Variants in SGK1 observed in about 807,000 individuals in gnomAD.
SGK1 encodes serum/glucocorticoid regulated kinase 1.
Under a neutral mutation model 64.2 loss-of-function variants are expected in SGK1, and 26 were observed. The observed-to-expected ratio is 0.40, with a 90% CI of 0.30 to 0.56. SGK1 has a LOEUF of 0.56. SGK1 is among the 20% of genes least tolerant of loss of function. The pLI, the probability that SGK1 is intolerant of heterozygous loss-of-function variation, is 0.38. For missense variants in SGK1, 519 were observed against 645.6 expected (o/e 0.80, Z 2.12); for synonymous variants, 265 against 239.7 (o/e 1.11, Z -0.98).
chr6:134,170,420 G>C lies in SGK1; in HGVS notation c.1429C>G (p.Leu477Val). ...GTAAACTCGGGGTCAAAGTGCCGTA[G>C]GTCGTTGGGCCCACTCTGTGACGGG... is the stretch of plus-strand genomic sequence containing the variant. Reference protein sequence around the residue: ...FNPNVSGPNDLRHFDPEFTEE... With the variant: ...FNPNVSGPNDVRHFDPEFTEE... Residue 477 changes from leucine to valine, a missense_variant, in exon 14 of 14, where the codon CTA becomes GTA. Physicochemically the swap from Leu to Val is conservative, Grantham distance 32. Coordinates refer to ENST00000367858, the MANE Select transcript of SGK1 (RefSeq NM_001143676.3). 6.2e-7 allele frequency: 1 copy of C among 1,613,110 alleles called. No homozygotes were observed. Among genetic ancestry groups the C allele is most frequent in the Non-Finnish European group, 8.5e-7 (1 of 1,179,244 alleles).
At chr6:134,273,669 T>C (rs1402742354) in intron 1 of SGK1, among the ~76,000 whole-genome samples, 1 of 144,606 alleles carries the variant, frequency 6.9e-6, no homozygotes, top group Non-Finnish European at 1.5e-5. Context: ...AAGATATTTC[T>C]AGTAGAGGGG....
chr6:134,209,794 A>G (rs909960605), intron 2 of SGK1, among the ~76,000 whole-genome samples: 1 of 152,158 alleles, frequency 6.6e-6, no homozygotes, highest in Non-Finnish European at 1.5e-5. Flanking sequence ...CTCCTGCTTC[A>G]GCCTCAATAG....
At chr6:134,239,028 G>T (rs979281421) in intron 2 of SGK1, among the ~76,000 whole-genome samples, 2 of 152,222 alleles carry the variant, frequency 1.3e-5, no homozygotes, top group Admixed American at 1.3e-4. Context: ...TATATTAGAA[G>T]CATGCTAAAC....
intron 2 of SGK1, among the ~76,000 whole-genome samples, chr6:134,232,464 A>G (rs960727036): frequency 3.3e-5 from 2 of 60,580 alleles, no homozygotes; most frequent in Non-Finnish European, 8.3e-5. Flanking sequence ...AGAAAGAAAG[A>G]AAGAAAGAAA....
intron 3 of SGK1, among the ~76,000 whole-genome samples, chr6:134,188,586 A>G (rs1445159866): frequency 6.6e-6 from 1 of 152,202 alleles, no homozygotes; most frequent in Non-Finnish European, 1.5e-5. Flanking sequence ...GCATGAGGGT[A>G]TGACACACAG....
In SGK1 at chr6:134,209,294, C is replaced by T. The variant is rs530594319; in HGVS notation, c.286-1863G>A. On this transcript the variant is annotated intron_variant, in intron 2 of 13. Transcript: ENST00000367858. ...ACTAAAAATACAAAAATTAGTCAGGCATGGCAGCGCATGCCTGTAATCCCA... is the reference window on the plus strand; with the variant it reads ...ACTAAAAATACAAAAATTAGTCAGGTATGGCAGCGCATGCCTGTAATCCCA... Among the ~76,000 whole-genome samples the T allele has an allele frequency of 2.3e-4, 35 of 152,158 alleles. 1 individual carries two copies. In the South Asian group the frequency reaches 5.6e-3, roughly 24 times the overall value.
intron 3 of SGK1, chr6:134,175,022 T>G: frequency 2.2e-6 from 2 of 910,156 alleles, no homozygotes; most frequent in Non-Finnish European, 3.1e-6. Flanking sequence ...CGGGCGGTTC[T>G]GTCCCCATTG....
At chr6:134,294,074 T>C (rs935522138) in intron 1 of SGK1, among the ~76,000 whole-genome samples, 1 of 152,176 alleles carries the variant, frequency 6.6e-6, no homozygotes, top group African/African-American at 2.4e-5. Context: ...TGCAGATAGC[T>C]CAGGTCCTGA....
chr6:134,218,041 G>A (rs4896028), intron 2 of SGK1, among the ~76,000 whole-genome samples: 93,430 of 152,070 alleles, frequency 0.61, 31,279 homozygotes, highest in South Asian at 0.84. Flanking sequence ...CAGGTCAAAT[G>A]TCTATTAAAT....
At chr6:134,308,075 C>T (rs919054847) in intron 1 of SGK1, among the ~76,000 whole-genome samples, 2 of 152,082 alleles carry the variant, frequency 1.3e-5, no homozygotes, top group Non-Finnish European at 2.9e-5. Flanking sequence ...TTATACTACC[C>T]CTCCACAGCC....
intron 1 of SGK1, among the ~76,000 whole-genome samples, chr6:134,311,902 A>G (rs1321666247): frequency 6.6e-6 from 1 of 152,192 alleles, no homozygotes; most frequent in Admixed American, 6.5e-5. Context: ...ATTTGTTAGA[A>G]AGCATTCCTA....
rs1249817232 is a variant in SGK1 at position 134,170,002 on chromosome 6, C to CT, written c.*265dup. 4 of 254,408 alleles carry CT rather than the reference C, an allele frequency of 1.6e-5. No homozygotes were observed. The highest frequency in any genetic ancestry group is 2.2e-5 in the Non-Finnish European group (3 of 133,350). 15.8% of individuals were successfully genotyped at this position (254,408 alleles called of 1,614,324 possible). On this transcript the variant is annotated 3_prime_UTR_variant, in exon 14 of 14. Coordinates refer to ENST00000367858, the MANE Select transcript of SGK1 (RefSeq NM_001143676.3). ...GTCCGCTTTCTAACGAAACTCCTGC[C>CT]TCCGTCTAAGGCGGCACTCTAACGC...
intron 2 of SGK1, among the ~76,000 whole-genome samples, chr6:134,234,357 C>T (rs925992310): frequency 1.3e-5 from 2 of 151,898 alleles, no homozygotes; most frequent in Non-Finnish European, 2.9e-5. Context: ...GAGCCAAGAT[C>T]GTGCCACTGC....
chr6:134,291,929 T>C (rs557458034), intron 1 of SGK1, among the ~76,000 whole-genome samples: 157 of 151,930 alleles, frequency 1.0e-3, no homozygotes, highest in Middle Eastern at 3.4e-3. Flanking sequence ...TAGCCAGGCA[T>C]GGTGGCACGT....
chr6:134,199,491 G>A (rs1046935385), intron 3 of SGK1, among the ~76,000 whole-genome samples: 1 of 150,690 alleles, frequency 6.6e-6, no homozygotes, highest in African/African-American at 2.4e-5. Context: ...CCTGAAAGGC[G>A]GAGGTTGCAG....
At position 134,171,658 on chromosome 6, in the gene SGK1, C is replaced by A. The variant is rs780238373; in HGVS notation, c.1146G>T (p.Leu382Phe). 3.1e-6 allele frequency: 5 copies of A among 1,613,774 alleles called. No homozygotes were observed. Among genetic ancestry groups the A allele is most frequent in the Non-Finnish European group, 4.2e-6 (5 of 1,179,662 alleles). Reference sequence around the variant, plus strand: ...TCACCAGGCCATACAGCATCTCATACAAGACAGCTCCCAGGCACCACCAGT... The same window carrying A: ...TCACCAGGCCATACAGCATCTCATAAAAGACAGCTCCCAGGCACCACCAGT... ...TVDWWCLGAVLYEMLYGLPPF... is the reference protein window; with the variant it reads ...TVDWWCLGAVFYEMLYGLPPF... Residue 382 changes from leucine to phenylalanine, a missense_variant, in exon 11 of 14, where the codon TTG becomes TTT. Physicochemically the swap from Leu to Phe is conservative, Grantham distance 22 (BLOSUM62 0). Transcript: ENST00000367858.
At chr6:134,189,835 GT>G (rs35417693) in intron 3 of SGK1, among the ~76,000 whole-genome samples, 2 of 151,800 alleles carry the variant, frequency 1.3e-5, no homozygotes, top group South Asian at 2.1e-4. Flanking sequence ...TGTAAGTACT[GT>G]TTTTTTTGGT....
At chr6:134,211,877 GAAAA>G (rs573091377) in intron 2 of SGK1, among the ~76,000 whole-genome samples, 7 of 81,616 alleles carry the variant, frequency 8.6e-5, no homozygotes, top group African/African-American at 8.4e-5. Context: ...CGTCTACAAG[GAAAA>G]AAAAAAAAAA....
chr6:134,174,665 G>C lies in SGK1; in HGVS notation c.362-79C>G, dbSNP rs760868269. ...GGCGCCACACACACTAATCTGATCC[G>C]GGACTTTCAAAAAATTTCCACTTTG... On this transcript the variant is annotated intron_variant, in intron 3 of 13. Transcript: ENST00000367858. 3.1e-6 allele frequency: 5 copies of C among 1,608,618 alleles called. No individual in the cohort carries two copies. In the Admixed American group the frequency reaches 5.0e-5, roughly 16 times the overall value.
Sources: allele counts gnomAD v4.1 joint callset (sites outside exome capture counted in the v4.1 genomes callset), GRCh38; gene constraint gnomAD v4.1.1; transcripts MANE v1.5; gene names NCBI Gene and HGNC (gene_info 2026-07-23, HGNC 2026-07-21).